Variants in FRMD4A observed in about 807,000 individuals in gnomAD.
FRMD4A encodes FERM domain containing 4A.
Under a neutral mutation model 129.1 loss-of-function variants are expected in FRMD4A, and 29 were observed. The ratio of observed to expected loss-of-function variants is 0.22; its 90% CI spans 0.17 to 0.31. The LOEUF is 0.31. FRMD4A is among the 10% of genes least tolerant of loss of function. FRMD4A has a pLI of 1.00. For missense variants in FRMD4A, 1,272 were observed against 1,375.8 expected, an observed-to-expected ratio of 0.92 and a Z score of 1.19; for synonymous variants, 634 against 571.6, an observed-to-expected ratio of 1.11 and a Z score of -1.56.
intron 2 of FRMD4A, among the ~76,000 whole-genome samples, chr10:14,072,811 G>C (rs1227132530): frequency 6.6e-6 from 1 of 152,166 alleles, no homozygotes; most frequent in Non-Finnish European, 1.5e-5. Flanking sequence ...AATGAGGTGA[G>C]ATGGAGATAT....
rs1319158765 is a variant in FRMD4A, at chr10:13,651,766, A to C, written c.*2+137T>G. ...AACCTTCAGCTAAAAACATAGTTCC[A>C]GTTCCCCATGTATCTAGAAATAAGG... is the stretch of plus-strand genomic sequence containing the variant. On this transcript the variant is annotated intron_variant, in intron 24 of 24. Transcript: ENST00000357447. The C allele has an allele frequency of 1.6e-5, 10 of 628,474 alleles. No individual in the cohort carries two copies. The Admixed American group carries it at 1.6e-4, about 10-fold the overall frequency. 38.9% of individuals were successfully genotyped at this position (628,474 alleles called of 1,614,324 possible). A position where few individuals can be genotyped will look rare whatever the true frequency, so the allele number is the denominator to read the frequency against.
chr10:13,658,432 T>A (rs2082358554), intron 21 of FRMD4A, among the ~76,000 whole-genome samples: 1 of 152,224 alleles, frequency 6.6e-6, no homozygotes. Context: ...ACATGGCAGA[T>A]GATGTTGCCC....
intron 2 of FRMD4A, among the ~76,000 whole-genome samples, chr10:13,934,255 G>T (rs1316769111): frequency 6.6e-6 from 1 of 152,194 alleles, no homozygotes; most frequent in African/African-American, 2.4e-5. Flanking sequence ...GCCTAGAACA[G>T]GGAACAGGTT....
In FRMD4A at chr10:14,199,941, T is replaced by C. The variant is rs1483741205; in HGVS notation, c.45+130117A>G. 2.0e-5 allele frequency among the ~76,000 whole-genome samples: 3 copies of C among 150,742 alleles called. 1 individual carries two copies. ...ATATATTATATATTTATGGGGCACA[T>C]GTGATATTTTGGTATATGTTTACAT... On this transcript the variant is annotated intron_variant, in intron 2 of 24. Transcript: ENST00000357447.
intron 2 of FRMD4A, among the ~76,000 whole-genome samples, chr10:14,244,676 A>G (rs1412242024): frequency 6.6e-6 from 1 of 152,216 alleles, no homozygotes; most frequent in Non-Finnish European, 1.5e-5. Context: ...TATAATCTAA[A>G]GTCCTACAAT....
intron 4 of FRMD4A, among the ~76,000 whole-genome samples, chr10:13,807,050 G>A (rs375289178): frequency 1.3e-5 from 2 of 152,076 alleles, no homozygotes; most frequent in South Asian, 2.1e-4. Flanking sequence ...CTCATGATCC[G>A]CCCACCTCGG....
At chr10:14,078,443 T>C (rs1309332309) in intron 2 of FRMD4A, among the ~76,000 whole-genome samples, 1 of 152,222 alleles carries the variant, frequency 6.6e-6, no homozygotes, top group Non-Finnish European at 1.5e-5. Context: ...GAGACCAATC[T>C]ACATAAATCC....
chr10:14,119,870 C>G (rs56055049), intron 2 of FRMD4A, among the ~76,000 whole-genome samples: 1 of 152,144 alleles, frequency 6.6e-6, no homozygotes, highest in Admixed American at 6.5e-5. Context: ...GTAATGAGTT[C>G]TCCAGGGCAG....
intron 2 of FRMD4A, among the ~76,000 whole-genome samples, chr10:14,013,777 C>T (rs1278299986): frequency 4.6e-5 from 7 of 152,012 alleles, no homozygotes; most frequent in African/African-American, 1.7e-4. Flanking sequence ...ACCAAAAATA[C>T]AAAATTAGCC....
chr10:13,659,828 G>A (rs919651555), intron 20 of FRMD4A, among the ~76,000 whole-genome samples: 27 of 148,738 alleles, frequency 1.8e-4, no homozygotes, highest in Non-Finnish European at 1.0e-4. Flanking sequence ...TAAAGGAAAT[G>A]GGAAAAACAG....
rs564402093 is a variant in FRMD4A at position 14,137,763 on chromosome 10, C to T, written c.45+192295G>A. Among the ~76,000 whole-genome samples the T allele has an allele frequency of 7.9e-5, 12 of 152,188 alleles. No individual in the cohort carries two copies. In the South Asian group the frequency reaches 2.5e-3, roughly 32 times the overall value. ...TTTCCCACCTGTTAATATGCAATGG[C>T]ACTCCCTGCCCTCCTTTGCTACGCA... On this transcript the variant is annotated intron_variant, in intron 2 of 24. Coordinates refer to ENST00000357447, the MANE Select transcript of FRMD4A (RefSeq NM_018027.5).
At chr10:13,785,718 C>T (rs991035381) in intron 5 of FRMD4A, among the ~76,000 whole-genome samples, 1 of 152,058 alleles carries the variant, frequency 6.6e-6, no homozygotes, top group African/African-American at 2.4e-5. Context: ...GTGTGCTGCA[C>T]CTGTTAACTC....
intron 2 of FRMD4A, among the ~76,000 whole-genome samples, chr10:14,314,728 G>A (rs939907957): frequency 1.9e-4 from 29 of 152,146 alleles, no homozygotes; most frequent in South Asian, 6.2e-4. Flanking sequence ...AATATTCACC[G>A]TTTTCCCATC....
At chr10:13,910,195 C>T (rs7097466) in intron 2 of FRMD4A, among the ~76,000 whole-genome samples, 6,506 of 152,246 alleles carry the variant, frequency 0.043, 457 homozygotes, top group African/African-American at 0.15. Flanking sequence ...TGATAATATG[C>T]TAGTTCAAAA....
intron 2 of FRMD4A, among the ~76,000 whole-genome samples, chr10:14,112,686 T>C (rs1463507662): frequency 6.6e-6 from 1 of 152,154 alleles, no homozygotes; most frequent in African/African-American, 2.4e-5. Context: ...CCACCACATC[T>C]GGCTAATTTT....
intron 5 of FRMD4A, among the ~76,000 whole-genome samples, chr10:13,786,837 G>A (rs935438723): frequency 1.3e-5 from 2 of 152,110 alleles, no homozygotes; most frequent in Non-Finnish European, 2.9e-5. Flanking sequence ...TTCATATAAG[G>A]TCTGAAATAA....
intron 3 of FRMD4A, among the ~76,000 whole-genome samples, chr10:13,852,903 C>T (rs907466444): frequency 6.6e-6 from 1 of 152,134 alleles, no homozygotes; most frequent in African/African-American, 2.4e-5. Context: ...TCCTCATAAT[C>T]TCAGGATTAT....
intron 2 of FRMD4A, among the ~76,000 whole-genome samples, chr10:13,863,093 A>G (rs1051535740): frequency 2.0e-5 from 3 of 152,034 alleles, no homozygotes; most frequent in Non-Finnish European, 4.4e-5. Flanking sequence ...CTACCATACA[A>G]TTCTAGCCCA....
At chr10:13,977,660 C>T (rs766926834) in intron 2 of FRMD4A, among the ~76,000 whole-genome samples, 2 of 152,166 alleles carry the variant, frequency 1.3e-5, no homozygotes, top group South Asian at 2.1e-4. Context: ...ATTGTCATTC[C>T]CCATTTCTCT....
Sources: gnomAD v4.1 joint callset for allele counts (sites outside exome capture counted in the v4.1 genomes callset) on GRCh38, gnomAD v4.1.1 for gene constraint, MANE v1.5 for transcripts, NCBI Gene and HGNC (gene_info 2026-07-23, HGNC 2026-07-21) for gene names.